Variants in EFR3B observed in about 807,000 individuals in gnomAD.
EFR3B encodes the protein protein EFR3 homolog B.
EFR3B carries 64 observed loss-of-function variants against 104.7 expected under a neutral mutation model. The observed-to-expected ratio is 0.61, with a 90% CI of 0.50 to 0.75. The LOEUF is 0.75. EFR3B is among the 30% of genes least tolerant of loss of function. The probability of loss-of-function intolerance (pLI) is 0.00; values close to 1 mark genes in which losing one functional copy is unlikely to be tolerated. For synonymous variants in EFR3B, 385 were observed against 417.9 expected, an observed-to-expected ratio of 0.92 and a Z score of 0.96; for missense variants, 750 against 1,078.5, an observed-to-expected ratio of 0.70 and a Z score of 4.27.
chr2:25,129,659 GAC>G (rs1670275084), intron 6 of EFR3B, among the ~76,000 whole-genome samples: 1 of 152,010 alleles, frequency 6.6e-6, no homozygotes. Flanking sequence ...GGTGCATCAA[GAC>G]ACACATGTTC....
chr2:25,108,676 A>G (rs1669632575), intron 4 of EFR3B, among the ~76,000 whole-genome samples: 1 of 152,188 alleles, frequency 6.6e-6, no homozygotes, highest in Non-Finnish European at 1.5e-5. Context: ...AATTATAGAA[A>G]CAACATAGAT....
Position 25,090,344 on chromosome 2 carries a change from T to A in EFR3B, c.8-981T>A, listed in dbSNP as rs962764874. On this transcript the variant is annotated intron_variant, in intron 1 of 22. Transcript: ENST00000403714. ...TGGATTTGGAAGTTGACTGAAGAAG[T>A]GCAATGGCTATTATTCCTTTACTAA... 4.6e-5 allele frequency among the ~76,000 whole-genome samples: 7 copies of A among 152,354 alleles called. No individual in the cohort carries two copies. In the East Asian group the frequency reaches 1.4e-3, roughly 29 times the overall value.
At chr2:25,091,691 C>T (rs1485201232) in intron 2 of EFR3B, among the ~76,000 whole-genome samples, 2 of 152,224 alleles carry the variant, frequency 1.3e-5, no homozygotes, top group East Asian at 1.9e-4. Flanking sequence ...CTTTCTCCTG[C>T]ATGTCTCTCT....
In EFR3B at chr2:25,080,238, A is replaced by G. The variant is rs540367577; in HGVS notation, c.8-11087A>G. On this transcript the variant is annotated intron_variant, in intron 1 of 22. Coordinates refer to ENST00000403714, the MANE Select transcript of EFR3B (RefSeq NM_014971.2). ...CTTCTGTTACTTGATGGACTGTAGC[A>G]CCACCACCAACATCAAGGAAGCTGG... The G allele has an allele frequency of 9.9e-4, 1,465 of 1,480,294 alleles. 37 individuals carry two copies. The South Asian group carries it at 0.016, about 16-fold the overall frequency. The allele number at this position is 1,480,294 out of a possible 1,614,324, so 91.7% of individuals were successfully genotyped here.
In EFR3B at chr2:25,121,597, G is replaced by A. The variant is rs545878258; in HGVS notation, c.364-76G>A. 4.6e-5 allele frequency: 70 copies of A among 1,529,846 alleles called. 1 individual carries two copies. In the South Asian group the frequency reaches 8.4e-4, roughly 18 times the overall value. 94.8% of individuals were successfully genotyped at this position (1,529,846 alleles called of 1,614,324 possible). A position where few individuals can be genotyped will look rare whatever the true frequency, so the allele number is the denominator to read the frequency against. On this transcript the variant is annotated intron_variant, in intron 4 of 22. Transcript: ENST00000403714. ...GTTCCCATGGCTTGACCATGGCAGG[G>A]GGTCTGGGGATGCCCAGCAGTGAGA...
chr2:25,060,643 G>A (rs372810358), intron 1 of EFR3B, among the ~76,000 whole-genome samples: 3 of 152,096 alleles, frequency 2.0e-5, no homozygotes, highest in African/African-American at 4.8e-5. Context: ...ACTGTCGGCC[G>A]GGCGCGGTGG....
chr2:25,130,741 C>T lies in EFR3B; in HGVS notation c.849+111C>T. 5.0e-6 allele frequency: 5 copies of T among 999,002 alleles called. No individual in the cohort carries two copies. The highest frequency in any genetic ancestry group is 7.6e-6 in the Non-Finnish European group (5 of 653,776). 61.9% of individuals were successfully genotyped at this position (999,002 alleles called of 1,614,324 possible). A position where few individuals can be genotyped will look rare whatever the true frequency, so the allele number is the denominator to read the frequency against. On this transcript the variant is annotated intron_variant, in intron 8 of 22. Coordinates refer to ENST00000403714, the MANE Select transcript of EFR3B (RefSeq NM_014971.2). The surrounding 1 kb of genome is among the most constrained non-coding windows in gnomAD (Gnocchi z 4.6). ...TCCCCTGTGACTCCTCCGAAGCCCC[C>T]AGTTGCCGAAACCAGTGCTGCTTAA...
intron 1 of EFR3B, among the ~76,000 whole-genome samples, chr2:25,059,404 A>G (rs1668117240): frequency 6.6e-6 from 1 of 152,144 alleles, no homozygotes. Context: ...CTTAAAAAAG[A>G]AGAAAATCTT....
In EFR3B at chr2:25,140,290, G is replaced by A. The variant is rs532140355; in HGVS notation, c.1855-1076G>A. Among the ~76,000 whole-genome samples the A allele has an allele frequency of 6.5e-5, 9 of 139,516 alleles. No individual in the cohort carries two copies. In the East Asian group the frequency reaches 1.8e-3, roughly 28 times the overall value. The allele number at this position is 139,516 out of a possible 152,430, so 91.5% of individuals were successfully genotyped here. ...CCACTGCACCCCAGCCTGGGTGACA[G>A]AGCAAGACTCTGTCTCAAAAATAAA... On this transcript the variant is annotated intron_variant, in intron 16 of 22. Coordinates refer to ENST00000403714, the MANE Select transcript of EFR3B (RefSeq NM_014971.2).
At chr2:25,048,211 G>C (rs905096509) in intron 1 of EFR3B, among the ~76,000 whole-genome samples, 1 of 151,808 alleles carries the variant, frequency 6.6e-6, no homozygotes, top group Non-Finnish European at 1.5e-5. Context: ...ATGGGGTCCC[G>C]CTATATTGCC....
intron 1 of EFR3B, among the ~76,000 whole-genome samples, chr2:25,079,016 G>C (rs181261118): frequency 6.6e-6 from 1 of 152,302 alleles, no homozygotes; most frequent in Non-Finnish European, 1.5e-5. Context: ...CTGGCTGCTA[G>C]ACACAGAGTG....
chr2:25,098,899 A>AT (rs35290435), intron 3 of EFR3B, among the ~76,000 whole-genome samples: 57,090 of 130,356 alleles, frequency 0.44, 13,408 homozygotes, highest in East Asian at 0.81. Context: ...AATTTCTGGC[A>AT]TTTTTTCAGG....
In EFR3B at chr2:25,042,286, C is replaced by G; in HGVS notation, c.-27C>G. ...CTGGGAACGCCGCAGCGACGCCGGC[C>G]TCTCGAGAGGCGCGCGCCCCGCCGA... On this transcript the variant is annotated 5_prime_UTR_variant, in exon 1 of 23. Transcript: ENST00000403714. This position sits in a 1 kb window ranked among gnomAD's most constrained non-coding sequence, Gnocchi z 5.4. 7.7e-7 allele frequency: 1 copy of G among 1,305,194 alleles called. No individual in the cohort carries two copies. Among genetic ancestry groups the G allele is most frequent in the East Asian group, 3.1e-5 (1 of 31,780 alleles). 80.9% of individuals were successfully genotyped at this position (1,305,194 alleles called of 1,614,324 possible).
In EFR3B at chr2:25,059,582, G is replaced by C. The variant is rs1043593287; in HGVS notation, c.7+17263G>C. Among the ~76,000 whole-genome samples, 18 of 139,708 alleles carry C rather than the reference G, an allele frequency of 1.3e-4. 2 individuals carry two copies. Among genetic ancestry groups the C allele is most frequent in the African/African-American group, 1.8e-4 (7 of 38,940 alleles). 91.7% of individuals were successfully genotyped at this position (139,708 alleles called of 152,430 possible). A position where few individuals can be genotyped will look rare whatever the true frequency, so the allele number is the denominator to read the frequency against. On this transcript the variant is annotated intron_variant, in intron 1 of 22. Transcript: ENST00000403714. ...GGTTACCAGGGACTGCGGGGGGGGG[G>C]GGGGTGGAGATTGGGGAATTGTTGT... is the stretch of plus-strand genomic sequence containing the variant.
In EFR3B at chr2:25,130,068, T is replaced by C. The variant is rs752461156; in HGVS notation, c.729T>C (p.Ala243=). 84 of 1,551,688 alleles carry C rather than the reference T, an allele frequency of 5.4e-5. No homozygotes were observed. Among genetic ancestry groups the C allele is most frequent in the Non-Finnish European group, 7.2e-5 (83 of 1,147,018 alleles). Residue 243 remains alanine (A), a synonymous_variant, in exon 7 of 23, where the codon GCT becomes GCC. Transcript: ENST00000403714. The surrounding 1 kb of genome is among the most constrained non-coding windows in gnomAD (Gnocchi z 4.6). ...GTCTTCGGGAGCTGCTGGGCCGGGC[T>C]GCCTTTGGCAACATCAAAAACGCCA... is the stretch of plus-strand genomic sequence containing the variant. The part of the protein sequence containing the change: ...ERCLRELLGR[A]AFGNIKNAIK...
chr2:25,055,495 A>G (rs1657241757), intron 1 of EFR3B, among the ~76,000 whole-genome samples: 1 of 152,198 alleles, frequency 6.6e-6, no homozygotes, highest in African/African-American at 2.4e-5. Flanking sequence ...ATTACCGTGC[A>G]GAAGGACCCA....
intron 1 of EFR3B, among the ~76,000 whole-genome samples, chr2:25,086,755 G>T (rs913036567): frequency 5.3e-5 from 8 of 152,160 alleles, no homozygotes; most frequent in African/African-American, 1.9e-4. Flanking sequence ...ACCACACCTG[G>T]CTAATTTTTG....
intron 18 of EFR3B, 33 bp downstream of exon 18, chr2:25,143,895 CCT>C (rs1670746631): frequency 6.5e-7 from 1 of 1,545,706 alleles, no homozygotes; most frequent in African/African-American, 1.4e-5. Context: ...CCCGGGCCTG[CCT>C]CTGTCTTTAC....
chr2:25,100,715 A>G (rs561523037), intron 3 of EFR3B, among the ~76,000 whole-genome samples: 135 of 152,194 alleles, frequency 8.9e-4, no homozygotes, highest in African/African-American at 3.1e-3. Flanking sequence ...GATGGTCTCA[A>G]TCTCCTGACC....
Sources: allele counts gnomAD v4.1 joint callset (sites outside exome capture counted in the v4.1 genomes callset), GRCh38; gene constraint gnomAD v4.1.1; non-coding constraint Gnocchi (gnomAD v3.1); transcripts MANE v1.5; gene names NCBI Gene and HGNC (gene_info 2026-07-23, HGNC 2026-07-21).